The following TTC12 variants were observed in gnomAD, a reference collection of about 807,000 sequenced individuals.
TTC12 encodes the protein tetratricopeptide repeat domain 12.
TTC12 carries 70 observed loss-of-function variants against 90.1 expected under a neutral mutation model. The ratio of observed to expected loss-of-function variants is 0.78; its 90% CI spans 0.64 to 0.95. The LOEUF (loss-of-function observed/expected upper bound fraction) is 0.95. TTC12 is among the 40% of genes least tolerant of loss of function. The pLI is 0.00. For missense variants in TTC12, 819 were observed against 846.1 expected (o/e 0.97, Z 0.40); for synonymous variants, 296 against 311.5 (o/e 0.95, Z 0.53).
rs782777539 is a variant in TTC12 at position 113,359,393 on chromosome 11, A to G, written c.1477A>G (p.Arg493Gly). 1 of 1,612,922 alleles carries G rather than the reference A, an allele frequency of 6.2e-7. No homozygotes were observed. Among genetic ancestry groups the G allele is most frequent in the Non-Finnish European group, 8.5e-7 (1 of 1,179,022 alleles). Residue 493 changes from arginine to glycine, a missense_variant, in exon 17 of 22, where the codon AGA becomes GGA. Physicochemically the swap from Arg to Gly is moderately radical, Grantham distance 125. Transcript: ENST00000529221. ...ARCEEDVDLFREVIYTLLGLM... is the reference protein window; with the variant it reads ...ARCEEDVDLFGEVIYTLLGLM... ...GTGTGAGGAGGATGTGGACCTGTTC[A>G]GAGAGGTTATCTACACACTCCTGGG...
At chr11:113,360,629 G>A (rs143526749) in intron 18 of TTC12, among the ~76,000 whole-genome samples, 103 of 152,296 alleles carry the variant, frequency 6.8e-4, no homozygotes, top group African/African-American at 2.4e-3. Flanking sequence ...ACCCTAGAAC[G>A]TATTCTTCAC....
At chr11:113,350,830 A>G (rs1265225662) in intron 14 of TTC12, among the ~76,000 whole-genome samples, 4 of 152,258 alleles carry the variant, frequency 2.6e-5, no homozygotes, top group Non-Finnish European at 4.4e-5. Context: ...AACAGTGGCC[A>G]TAGAGTGTGG....
At chr11:113,330,253 C>G (rs1487396597) in intron 7 of TTC12, among the ~76,000 whole-genome samples, 2 of 152,170 alleles carry the variant, frequency 1.3e-5, no homozygotes, top group African/African-American at 2.4e-5. Flanking sequence ...TTATCAGACA[C>G]TTGGTTCTAT....
intron 2 of TTC12, among the ~76,000 whole-genome samples, chr11:113,319,015 A>T (rs1290069248): frequency 1.3e-5 from 2 of 152,178 alleles, no homozygotes; most frequent in African/African-American, 4.8e-5. Flanking sequence ...ACATTTAGTG[A>T]CTTGCTTCCA....
In TTC12 at chr11:113,344,765, C is replaced by G. The variant is rs572379466; in HGVS notation, c.1154+325C>G. ...TCCGTCTTTGGCCTCGGTCCTATCTCTACCCTGTTCCTGCCATTCGTTTTC... is the reference window on the plus strand; with the variant it reads ...TCCGTCTTTGGCCTCGGTCCTATCTGTACCCTGTTCCTGCCATTCGTTTTC... On this transcript the variant is annotated intron_variant, in intron 13 of 21. Transcript: ENST00000529221. Among the ~76,000 whole-genome samples the G allele has an allele frequency of 2.6e-5, 4 of 152,336 alleles. No homozygotes were observed. In the South Asian group the frequency reaches 8.3e-4, roughly 32 times the overall value.
chr11:113,356,377 G>A (rs1371210590), intron 16 of TTC12, among the ~76,000 whole-genome samples: 1 of 152,166 alleles, frequency 6.6e-6, no homozygotes, highest in African/African-American at 2.4e-5. Flanking sequence ...CCAGTGGATC[G>A]TGGTTCTTTG....
exon 22 of TTC12, chr11:113,373,179 T>A (rs1394473004): frequency 2.0e-6 from 2 of 985,258 alleles, no homozygotes; most frequent in African/African-American, 3.5e-5. Context: ...CTAGACCAGG[T>A]ACTCAACCAC....
At position 113,334,948 on chromosome 11, in the gene TTC12, T is replaced by A; in HGVS notation, c.505-18T>A. On this transcript the variant is annotated intron_variant, in intron 7 of 21. Transcript: ENST00000529221. Reference sequence around the variant, plus strand: ...CACATCTTCTAAAACTTCTGATCAGTCATTCTCTTTTATGCAGTGTGATGA... The same window carrying A: ...CACATCTTCTAAAACTTCTGATCAGACATTCTCTTTTATGCAGTGTGATGA... 6.2e-7 allele frequency: 1 copy of A among 1,607,116 alleles called. No homozygotes were observed. Among genetic ancestry groups the A allele is most frequent in the South Asian group, 1.1e-5 (1 of 90,818 alleles).
intron 12 of TTC12, among the ~76,000 whole-genome samples, 189 bp downstream of exon 12, chr11:113,342,114 T>A (rs936218654): frequency 6.6e-6 from 1 of 152,162 alleles, no homozygotes; most frequent in Admixed American, 6.5e-5. Context: ...AAGGTTGGGG[T>A]GAAGGGAGGA....
At chr11:113,362,664 C>G (rs907913189) in intron 19 of TTC12, among the ~76,000 whole-genome samples, 162 bp downstream of exon 19, 3 of 152,184 alleles carry the variant, frequency 2.0e-5, no homozygotes, top group Non-Finnish European at 2.9e-5. Flanking sequence ...CCTGTCTACC[C>G]AGACCATACT....
chr11:113,327,819 A>ACC (rs1555141478), intron 6 of TTC12, among the ~76,000 whole-genome samples: 1 of 152,192 alleles, frequency 6.6e-6, no homozygotes, highest in East Asian at 1.9e-4. Context: ...CCTGGAGAAA[A>ACC]GGATGATGCT....
Position 113,325,560 on chromosome 11 carries a change from G to C in TTC12, c.359G>C (p.Gly120Ala). Residue 120 changes from glycine to alanine, a missense_variant, in exon 6 of 22, where the codon GGC becomes GCC. Gly to Ala is a moderately conservative substitution (Grantham distance 60, BLOSUM62 0). Coordinates refer to ENST00000529221, the MANE Select transcript of TTC12 (RefSeq NM_017868.4). ...KEKGNEAFAE[G>A]NYETAILRYS... ...AAAGGGAATGAAGCATTTGCTGAAGGCAATTATGAAACAGCTATCCTGCGC... is the reference window on the plus strand; with the variant it reads ...AAAGGGAATGAAGCATTTGCTGAAGCCAATTATGAAACAGCTATCCTGCGC... 1 of 1,613,946 alleles carries C rather than the reference G, an allele frequency of 6.2e-7. No individual in the cohort carries two copies. The highest frequency in any genetic ancestry group is 1.1e-5 in the South Asian group (1 of 91,074).
chr11:113,328,656 C>T (rs1197415389), intron 6 of TTC12, among the ~76,000 whole-genome samples: 1 of 152,120 alleles, frequency 6.6e-6, no homozygotes, highest in African/African-American at 2.4e-5. Context: ...ACAGTTCACC[C>T]TTTTATAGTA....
At position 113,333,273 on chromosome 11, in the gene TTC12, A is replaced by G. The variant is rs140598554; in HGVS notation, c.505-1693A>G. Reference sequence around the variant, plus strand: ...AGCTGGACCGTCCCCGGAGCCCCCTATACTCTCCTCACTCAGGTTCTTGCC... The same window carrying G: ...AGCTGGACCGTCCCCGGAGCCCCCTGTACTCTCCTCACTCAGGTTCTTGCC... On this transcript the variant is annotated intron_variant, in intron 7 of 21. Coordinates refer to ENST00000529221, the MANE Select transcript of TTC12 (RefSeq NM_017868.4). Among the ~76,000 whole-genome samples the G allele has an allele frequency of 2.6e-4, 40 of 151,442 alleles. No individual in the cohort carries two copies. In the East Asian group the frequency reaches 4.3e-3, roughly 16 times the overall value.
intron 7 of TTC12, among the ~76,000 whole-genome samples, chr11:113,330,958 T>C (rs1191357197): frequency 1.3e-5 from 2 of 152,176 alleles, no homozygotes; most frequent in Non-Finnish European, 2.9e-5. Flanking sequence ...TACCCTAGCC[T>C]AATGAGTATG....
chr11:113,356,762 C>A (rs782307562), intron 16 of TTC12, among the ~76,000 whole-genome samples: 3 of 152,186 alleles, frequency 2.0e-5, no homozygotes, highest in Non-Finnish European at 2.9e-5. Context: ...CCTCCAGTCT[C>A]TTCTGGGTTG....
intron 19 of TTC12, among the ~76,000 whole-genome samples, chr11:113,363,318 G>A (rs913652541): frequency 6.6e-6 from 1 of 152,200 alleles, no homozygotes; most frequent in South Asian, 2.1e-4. Flanking sequence ...TGCATCACAC[G>A]TGCATACGTG....
intron 7 of TTC12, among the ~76,000 whole-genome samples, chr11:113,331,397 G>A (rs964355834): frequency 1.3e-5 from 2 of 152,118 alleles, no homozygotes; most frequent in African/African-American, 2.4e-5. Context: ...GCATGCTCAC[G>A]AAATTCTATT....
At chr11:113,358,158 G>T (rs2138060997) in intron 16 of TTC12, among the ~76,000 whole-genome samples, 1 of 152,354 alleles carries the variant, frequency 6.6e-6, no homozygotes, top group Non-Finnish European at 1.5e-5. Context: ...AGGGGAAGGT[G>T]CTGGTAGGGG....
Sources: allele counts gnomAD v4.1 joint callset (sites outside exome capture counted in the v4.1 genomes callset), GRCh38; gene constraint gnomAD v4.1.1; transcripts MANE v1.5; gene names NCBI Gene and HGNC (gene_info 2026-07-23, HGNC 2026-07-21).